Variants in AHNAK observed in about 807,000 individuals in gnomAD.
The protein encoded by AHNAK is AHNAK nucleoprotein.
AHNAK carries 23 observed loss-of-function variants against 37.8 expected under a neutral mutation model. The observed-to-expected ratio is 0.61, with a 90% CI of 0.44 to 0.86. The LOEUF (loss-of-function observed/expected upper bound fraction) is 0.86. AHNAK is among the 40% of genes least tolerant of loss of function. AHNAK has a pLI of 0.00. For synonymous variants in AHNAK, 2,481 were observed against 2,636.3 expected (o/e 0.94, Z 1.80); for missense variants, 7,411 against 7,319.4 (o/e 1.01, Z -0.46).
At position 62,523,721 on chromosome 11, in the gene AHNAK, G is replaced by T. The variant is rs1311072104; in HGVS notation, c.10696C>A (p.Pro3566Thr). Reference sequence around the variant, plus strand: ...CCTTTCAGATCCCCTTCAAGTTTGGGAAGAGAAATATCCACATCACCTTTC... The same window carrying T: ...CCTTTCAGATCCCCTTCAAGTTTGGTAAGAGAAATATCCACATCACCTTTC... The part of the protein sequence containing the change: ...KVKGDVDISL[P>T]KLEGDLKGPE... The change falls in exon 5 of 5, where the codon CCC becomes ACC. Residue 3566 changes from proline (P) to threonine (T), a missense_variant. Coordinates refer to ENST00000378024, the MANE Select transcript of AHNAK (RefSeq NM_001620.3). 6.2e-7 allele frequency: 1 copy of T among 1,613,306 alleles called. No individual in the cohort carries two copies. The highest frequency in any genetic ancestry group is 2.2e-5 in the East Asian group (1 of 44,828).
Position 62,526,472 on chromosome 11 carries a change from G to T in AHNAK, c.7945C>A (p.Pro2649Thr). The T allele has an allele frequency of 6.2e-7, 1 of 1,612,628 alleles. No homozygotes were observed. ...PKVKMPKFSM[P>T]GFKGEGPDGD... ...TCTGGGCCCTCTCCTTTGAAGCCAGGCATGCTGAACTTTGGCATTTTCACC... is the reference window on the plus strand; with the variant it reads ...TCTGGGCCCTCTCCTTTGAAGCCAGTCATGCTGAACTTTGGCATTTTCACC... The change falls in exon 5 of 5, where the codon CCT (proline) becomes ACT (threonine). Residue 2649 changes from proline (P) to threonine (T), a missense_variant. Physicochemically the swap from Pro to Thr is conservative, Grantham distance 38 (BLOSUM62 -1). Transcript: ENST00000378024.
chr11:62,463,603 A>G (rs1306964738), intron 5 of AHNAK, among the ~76,000 whole-genome samples: 1 of 151,426 alleles, frequency 6.6e-6, no homozygotes, highest in African/African-American at 2.4e-5. Context: ...CCTACATCCC[A>G]CTGTGCGTGC....
intron 5 of AHNAK, among the ~76,000 whole-genome samples, chr11:62,438,628 A>T (rs1938232532): frequency 6.6e-6 from 1 of 151,974 alleles, no homozygotes; most frequent in Non-Finnish European, 1.5e-5. Flanking sequence ...TCATTTTTTT[A>T]ATGGTGCCCT....
intron 4 of AHNAK, among the ~76,000 whole-genome samples, chr11:62,507,341 A>G (rs959700933): frequency 6.6e-6 from 1 of 152,208 alleles, no homozygotes; most frequent in Non-Finnish European, 1.5e-5. Flanking sequence ...AAAAGAGAGA[A>G]AGCATGTAAA....
At chr11:62,493,126 C>A (rs1382770665) in intron 4 of AHNAK, among the ~76,000 whole-genome samples, 2 of 150,714 alleles carry the variant, frequency 1.3e-5, no homozygotes, top group Non-Finnish European at 2.9e-5. Flanking sequence ...GATTCTCCTG[C>A]CTCAGCCTCC....
rs141048189 is a variant in AHNAK at position 62,459,196 on chromosome 11, C to T, written c.443-25305G>A. Among the ~76,000 whole-genome samples the T allele has an allele frequency of 3.3e-3, 504 of 152,324 alleles. 5 individuals are homozygous for T. The highest frequency in any genetic ancestry group is 6.2e-3 in the South Asian group (30 of 4,830). ...GGTAGTGGAATGCACCACAAATGTA[C>T]TCACAGTTGAATGTGGACATGGGTG... On this transcript the variant is annotated intron_variant, in intron 5 of 5. Transcript: ENST00000257247.
At chr11:62,449,153 G>A (rs1249772658) in intron 5 of AHNAK, among the ~76,000 whole-genome samples, 5 of 152,150 alleles carry the variant, frequency 3.3e-5, no homozygotes, top group South Asian at 2.1e-4. Flanking sequence ...TACAAGTAGC[G>A]TTTATTTTTC....
Position 62,533,804 on chromosome 11 carries a change from C to A in AHNAK, c.613G>T (p.Val205Leu). The change falls in exon 5 of 5, where the codon GTG becomes TTG. Residue 205 changes from valine (V) to leucine (L), a missense_variant. By Grantham distance (32) the Val-to-Leu change is conservative. Coordinates refer to ENST00000378024, the MANE Select transcript of AHNAK (RefSeq NM_001620.3). ...CCCGAGCCCGAGGGCAGTCTGATCA[C>A]GGTCTTCCCAGACTGGGTCTCCACA... is the stretch of plus-strand genomic sequence containing the variant. ...VDVETQSGKT[V>L]IRLPSGSGAA... 6.2e-7 allele frequency: 1 copy of A among 1,614,168 alleles called. No individual in the cohort carries two copies. Among genetic ancestry groups the A allele is most frequent in the Non-Finnish European group, 8.5e-7 (1 of 1,180,030 alleles).
chr11:62,470,562 C>T (rs546770195), intron 5 of AHNAK, among the ~76,000 whole-genome samples: 32 of 151,808 alleles, frequency 2.1e-4, no homozygotes, highest in Non-Finnish European at 3.7e-4. Flanking sequence ...GCCGAGATCG[C>T]GCCACTGCAC....
rs1454495516 is a variant in AHNAK at position 62,525,100 on chromosome 11, T to C, written c.9317A>G (p.Lys3106Arg). 1 of 1,614,048 alleles carries C rather than the reference T, an allele frequency of 6.2e-7. No individual in the cohort carries two copies. Among genetic ancestry groups the C allele is most frequent in the Non-Finnish European group, 8.5e-7 (1 of 1,180,036 alleles). ...IDLNLKGPKV[K>R]GDMDVSLPKV... ...TGGCAGAGACACATCCATGTCACCC[T>C]TCACTTTGGGACCTTTCAGGTTAAG... Residue 3106 changes from lysine to arginine, a missense_variant, in exon 5 of 5, where the codon AAG becomes AGG. Lys to Arg is a conservative substitution (Grantham distance 26). Transcript: ENST00000378024.
chr11:62,480,803 TA>T (rs1172126377), intron 5 of AHNAK, among the ~76,000 whole-genome samples: 932 of 44,446 alleles, frequency 0.021, 12 homozygotes, highest in African/African-American at 0.046. Flanking sequence ...TGCGTGCAGT[TA>T]AAAAAAAAAA....
rs954263441 is a variant in AHNAK, at chr11:62,524,413, T to C, written c.10004A>G (p.Asp3335Gly). 1 of 1,612,428 alleles carries C rather than the reference T, an allele frequency of 6.2e-7. No individual in the cohort carries two copies. The highest frequency in any genetic ancestry group is 8.5e-7 in the Non-Finnish European group (1 of 1,179,558). Residue 3335 changes from aspartate (D) to glycine (G), a missense_variant, in exon 5 of 5, where the codon GAC becomes GGC. Asp to Gly is a moderately conservative substitution (Grantham distance 94). Transcript: ENST00000378024. ...PSLDIKGPEV[D>G]VSGPKLNIEG... Reference sequence around the variant, plus strand: ...GATATTAAGCTTAGGACCGGAAACGTCCACTTCTGGGCCCTTTATATCCAA... The same window carrying C: ...GATATTAAGCTTAGGACCGGAAACGCCCACTTCTGGGCCCTTTATATCCAA...
chr11:62,514,286 T>G (rs898580227), downstream of AHNAK, among the ~76,000 whole-genome samples: 7 of 152,114 alleles, frequency 4.6e-5, no homozygotes, highest in Admixed American at 4.6e-4. Context: ...ATGCACACTC[T>G]GACCTGCCCC....
chr11:62,513,227 G>A (rs1296221751), downstream of AHNAK, among the ~76,000 whole-genome samples: 2 of 152,168 alleles, frequency 1.3e-5, no homozygotes, highest in Admixed American at 6.5e-5. Context: ...ACCTTGCAAG[G>A]CTGGTTCCTG....
chr11:62,491,591 AG>A (rs772004784), intron 5 of AHNAK: 17 of 708,896 alleles, frequency 2.4e-5, no homozygotes, highest in Non-Finnish European at 3.3e-5. Flanking sequence ...CAGGAGAAAG[AG>A]GGGCTGGGCT....
chr11:62,520,571 G>C lies in AHNAK; in HGVS notation c.13846C>G (p.Pro4616Ala). The C allele has an allele frequency of 6.2e-7, 1 of 1,614,206 alleles. No homozygotes were observed. Among genetic ancestry groups the C allele is most frequent in the Non-Finnish European group, 8.5e-7 (1 of 1,180,044 alleles). The part of the protein sequence containing the change: ...KVKGDMDISL[P>A]KVEGDLKGPE... ...CCCTTGAGGTCGCCTTCCACTTTGG[G>C]CAGAGAAATGTCCATGTCGCCCTTC... The change falls in exon 5 of 5, where the codon CCC (proline) becomes GCC (alanine). Residue 4616 changes from proline to alanine, a missense_variant. Pro to Ala is a conservative substitution (Grantham distance 27). Transcript: ENST00000378024.
chr11:62,544,346 C>A (rs1026748554), intron 1 of AHNAK, among the ~76,000 whole-genome samples: 1 of 152,136 alleles, frequency 6.6e-6, no homozygotes, highest in Non-Finnish European at 1.5e-5. Context: ...CAAGGAGTTC[C>A]CGGACCAGGA....
intron 5 of AHNAK, among the ~76,000 whole-genome samples, chr11:62,451,982 A>ATT (rs541355841): frequency 3.5e-5 from 5 of 143,990 alleles, no homozygotes; most frequent in Admixed American, 7.0e-5. Context: ...TAATTTTTGT[A>ATT]TTTTTTTTTT....
intron 1 of AHNAK, among the ~76,000 whole-genome samples, chr11:62,545,376 C>A (rs1442425043): frequency 6.6e-6 from 1 of 152,228 alleles, no homozygotes; most frequent in Non-Finnish European, 1.5e-5. Flanking sequence ...AGGGGCACAG[C>A]CAGCCCTGTT....
Sources: allele counts gnomAD v4.1 joint callset (sites outside exome capture counted in the v4.1 genomes callset), GRCh38; gene constraint gnomAD v4.1.1; transcripts MANE v1.5; gene names NCBI Gene and HGNC (gene_info 2026-07-23, HGNC 2026-07-21).